PCDHA2: variants seen among roughly 807,000 people sequenced by gnomAD.
PCDHA2 encodes protocadherin alpha 2, also known as protocadherin alpha-2.
A neutral mutation model predicts 66.0 loss-of-function variants in PCDHA2; 58 were observed. The observed-to-expected ratio is 0.88, with a 90% CI of 0.71 to 1.09. The LOEUF is 1.09. Among genes scored for constraint, PCDHA2 ranks in the 50% least tolerant of loss-of-function variants. The pLI, the probability that PCDHA2 is intolerant of heterozygous loss-of-function variation, is 0.00. For synonymous variants in PCDHA2, 634 were observed against 554.0 expected (o/e 1.14, Z -2.03); for missense variants, 1,267 against 1,242.3 (o/e 1.02, Z -0.30).
intron 1 of PCDHA2, chr5:140,802,717 A>C: frequency 6.2e-7 from 1 of 1,612,524 alleles, no homozygotes; most frequent in Non-Finnish European, 8.5e-7. Flanking sequence ...CTGTCGAGCT[A>C]CGTGTCGGTA....
At chr5:140,802,386 CT>C (rs782412251) in intron 1 of PCDHA2, 69 of 1,614,152 alleles carry the variant, frequency 4.3e-5, no homozygotes, top group Non-Finnish European at 5.7e-5. Context: ...CCCCTTCAAG[CT>C]GGTGTCCACC....
chr5:140,796,285 G>A lies in PCDHA2; in HGVS notation c.1321G>A (p.Val441Met). 6.2e-7 allele frequency: 1 copy of A among 1,614,136 alleles called. No individual in the cohort carries two copies. Among genetic ancestry groups the A allele is most frequent in the East Asian group, 2.2e-5 (1 of 44,886 alleles). Residue 441 changes from valine to methionine, a missense_variant, in exon 1 of 4, where the codon GTG becomes ATG. Val to Met is a conservative substitution (Grantham distance 21). Transcript: ENST00000526136. Reference protein sequence around the residue: ...GSPSLWATTSVSIEVADVNDN... With the variant: ...GSPSLWATTSMSIEVADVNDN... ...GCCTTCACTGTGGGCCACCACCAGC[G>A]TGTCCATCGAGGTGGCCGACGTGAA...
chr5:140,929,124 C>A (rs2085843450), intron 1 of PCDHA2: 5 of 1,614,048 alleles, frequency 3.1e-6, no homozygotes, highest in Admixed American at 3.3e-5. Context: ...CCATAGATGT[C>A]ACTACAGTTG....
At chr5:140,798,237 G>C (rs1762306172) in intron 1 of PCDHA2, among the ~76,000 whole-genome samples, 1 of 152,128 alleles carries the variant, frequency 6.6e-6, no homozygotes, top group Non-Finnish European at 1.5e-5. Context: ...AAAGTATGTA[G>C]CACAGGTTGT....
At chr5:140,989,829 C>A (rs1554251113) in intron 3 of PCDHA2, among the ~76,000 whole-genome samples, 3 of 152,124 alleles carry the variant, frequency 2.0e-5, no homozygotes, top group Non-Finnish European at 2.9e-5. Context: ...TGCCAGGAAG[C>A]CTGTCAATGA....
At chr5:140,803,952 A>G (rs79577696) in intron 1 of PCDHA2, 38 of 354,936 alleles carry the variant, frequency 1.1e-4, no homozygotes, top group African/African-American at 6.0e-4. Context: ...TGCTTCTTCA[A>G]TATCTTTTGC....
chr5:140,888,802 AGTGATCT>A (rs1418023292), intron 1 of PCDHA2, among the ~76,000 whole-genome samples: 2 of 152,088 alleles, frequency 1.3e-5, no homozygotes, highest in African/African-American at 4.8e-5. Flanking sequence ...GAGGTTGATC[AGTGATCT>A]GTGATCTGTG....
chr5:140,855,814 G>T, intron 1 of PCDHA2: 1 of 513,024 alleles, frequency 1.9e-6, no homozygotes, highest in Non-Finnish European at 3.4e-6. Context: ...AAGAAAAGTT[G>T]TGAACTCATG....
chr5:140,844,744 G>C (rs1779527366), intron 1 of PCDHA2, among the ~76,000 whole-genome samples: 1 of 149,016 alleles, frequency 6.7e-6, no homozygotes, highest in Non-Finnish European at 1.5e-5. Flanking sequence ...TAGTATTATG[G>C]GATAAATCTT....
Position 141,007,401 on chromosome 5 carries a change from A to G in PCDHA2, c.2537-2226A>G, listed in dbSNP as rs981008239. On this transcript the variant is annotated intron_variant, in intron 3 of 3. Coordinates refer to ENST00000526136, the MANE Select transcript of PCDHA2 (RefSeq NM_018905.3). Reference sequence around the variant, plus strand: ...CACCATCTCTACTAAAATACAAAAAAAAAAAAAAAAAAAAAAATTAGCCAG... The same window carrying G: ...CACCATCTCTACTAAAATACAAAAAGAAAAAAAAAAAAAAAAATTAGCCAG... Among the ~76,000 whole-genome samples the G allele has an allele frequency of 7.4e-4, 110 of 149,582 alleles. 1 individual carries two copies. Among genetic ancestry groups the G allele is most frequent in the Non-Finnish European group, 9.7e-4 (65 of 67,302 alleles).
intron 1 of PCDHA2, chr5:140,830,139 C>T (rs2150181764): frequency 3.1e-6 from 5 of 1,613,142 alleles, no homozygotes; most frequent in Admixed American, 3.3e-5. Context: ...TCACGGGCGT[C>T]GGTGGGCGCC....
At chr5:140,847,596 A>G (rs1159769892) in intron 1 of PCDHA2, 1 of 149,708 alleles carries the variant, frequency 6.7e-6, no homozygotes, top group Non-Finnish European at 1.5e-5. Context: ...TGAAATTAAA[A>G]CATATTGTAA....
chr5:140,967,887 T>G, intron 1 of PCDHA2: 1 of 1,614,078 alleles, frequency 6.2e-7, no homozygotes, highest in Non-Finnish European at 8.5e-7. Flanking sequence ...TATAGCCCAG[T>G]GCCTGAGAAT....
At chr5:140,946,894 T>C (rs1368559322) in intron 1 of PCDHA2, among the ~76,000 whole-genome samples, 1 of 151,402 alleles carries the variant, frequency 6.6e-6, no homozygotes, top group Non-Finnish European at 1.5e-5. Context: ...TACAATTAGA[T>C]AGGAAGAATA....
intron 1 of PCDHA2, among the ~76,000 whole-genome samples, chr5:140,844,211 T>G (rs1162021656): frequency 2.0e-5 from 3 of 149,836 alleles, no homozygotes; most frequent in Admixed American, 6.7e-5. Context: ...TGTCTGGTAG[T>G]CACAAATATC....
At chr5:140,931,008 A>G (rs1554208204) in intron 1 of PCDHA2, among the ~76,000 whole-genome samples, 2 of 152,224 alleles carry the variant, frequency 1.3e-5, no homozygotes, top group African/African-American at 2.4e-5. Flanking sequence ...ATAACATAAC[A>G]GAGGAATTTT....
chr5:140,869,176 G>C lies in PCDHA2; in HGVS notation c.2388+71824G>C, dbSNP rs200962401. The C allele has an allele frequency of 2.8e-5, 45 of 1,613,986 alleles. No individual in the cohort carries two copies. The East Asian group carries it at 9.6e-4, about 34-fold the overall frequency. On this transcript the variant is annotated intron_variant, in intron 1 of 3. Coordinates refer to ENST00000526136, the MANE Select transcript of PCDHA2 (RefSeq NM_018905.3). Reference sequence around the variant, plus strand: ...CTGGCTTCTCCTCCTCGAATTCTGGGAGGTGGGGAGCGGCCAGCTCCACTA... The same window carrying C: ...CTGGCTTCTCCTCCTCGAATTCTGGCAGGTGGGGAGCGGCCAGCTCCACTA...
In PCDHA2 at chr5:140,796,134, G is replaced by A. The variant is rs782407936; in HGVS notation, c.1170G>A (p.Thr390=). Residue 390 remains threonine (T), a synonymous_variant, in exon 1 of 4, where the codon ACG becomes ACA. Transcript: ENST00000526136. ...ATGGACATGTCACCTGCTCCCTGAC[G>A]CCCCACGTCCCTTTCAAGCTGGTGT... ...GTNGHVTCSL[T]PHVPFKLVST... 6.2e-7 allele frequency: 1 copy of A among 1,614,140 alleles called. No homozygotes were observed. The highest frequency in any genetic ancestry group is 8.5e-7 in the Non-Finnish European group (1 of 1,180,034).
chr5:140,803,639 C>T, intron 1 of PCDHA2: 2 of 1,613,254 alleles, frequency 1.2e-6, no homozygotes, highest in Non-Finnish European at 1.7e-6. Context: ...GTTTTTCATT[C>T]CTCAATGTTT....
Sources: gnomAD v4.1 joint callset for allele counts (sites outside exome capture counted in the v4.1 genomes callset) on GRCh38, gnomAD v4.1.1 for gene constraint, MANE v1.5 for transcripts, NCBI Gene and HGNC (gene_info 2026-07-23, HGNC 2026-07-21) for gene names.